MAP4K3: variants seen among roughly 807,000 people sequenced by gnomAD.
MAP4K3 encodes the protein mitogen-activated protein kinase kinase kinase kinase 3, also known as MAPK/ERK kinase kinase kinase 3.
A neutral mutation model predicts 143.5 loss-of-function variants in MAP4K3; 94 were observed. The ratio of observed to expected loss-of-function variants is 0.65; its 90% CI spans 0.55 to 0.78. The LOEUF (loss-of-function observed/expected upper bound fraction) is 0.78, where lower values mean the gene tolerates loss of function less well. Ranked by LOEUF, MAP4K3 falls within the 30% of genes least tolerant of loss-of-function variation. MAP4K3 has a pLI of 0.00. For synonymous variants in MAP4K3, 416 were observed against 347.2 expected (o/e 1.20, Z -2.20); for missense variants, 1,077 against 1,068.1 (o/e 1.01, Z -0.12).
intron 4 of MAP4K3, among the ~76,000 whole-genome samples, chr2:39,339,387 A>AT (rs1046679294): frequency 7.9e-5 from 12 of 151,654 alleles, no homozygotes; most frequent in African/African-American, 1.7e-4. Context: ...GTGAAAGACA[A>AT]TTTTTTTTTC....
intron 13 of MAP4K3, among the ~76,000 whole-genome samples, chr2:39,315,022 T>G (rs1354961671): frequency 6.6e-6 from 1 of 152,160 alleles, no homozygotes; most frequent in Non-Finnish European, 1.5e-5. Context: ...TCTAGGTGAG[T>G]TACATGCACA....
chr2:39,331,624 T>C (rs1041299826), intron 8 of MAP4K3, among the ~76,000 whole-genome samples: 6 of 152,066 alleles, frequency 3.9e-5, no homozygotes, highest in African/African-American at 1.4e-4. Flanking sequence ...TGAAAATACA[T>C]GAGAAATGTA....
chr2:39,312,670 A>T (rs1285139297), intron 13 of MAP4K3, among the ~76,000 whole-genome samples: 1 of 152,236 alleles, frequency 6.6e-6, no homozygotes, highest in Non-Finnish European at 1.5e-5. Context: ...AATGGCCCTT[A>T]GATCTGATAA....
chr2:39,297,111 T>G (rs1682313058), intron 16 of MAP4K3, among the ~76,000 whole-genome samples: 1 of 152,070 alleles, frequency 6.6e-6, no homozygotes, highest in Admixed American at 6.6e-5. Context: ...AATAATTTAA[T>G]GTTTTCTTTT....
At chr2:39,369,193 G>GTTTTTTTGTTTGTTTTTTTTTTTT (rs747293878) in intron 2 of MAP4K3, among the ~76,000 whole-genome samples, 3 of 37,950 alleles carry the variant, frequency 7.9e-5, no homozygotes, top group African/African-American at 1.2e-4. Context: ...CTTTGGGCTA[G>GTTTTTTTGTTTGTTTTTTTTTTTT]TTTTTTTTTT....
intron 1 of MAP4K3, among the ~76,000 whole-genome samples, chr2:39,395,226 T>C (rs567670113): frequency 1.4e-4 from 21 of 152,320 alleles, no homozygotes; most frequent in Non-Finnish European, 2.2e-4. Flanking sequence ...CTCTGTTGTA[T>C]AAAAATTACC....
At chr2:39,311,490 A>G (rs536444342) in intron 13 of MAP4K3, among the ~76,000 whole-genome samples, 1 of 152,308 alleles carries the variant, frequency 6.6e-6, no homozygotes, top group African/African-American at 2.4e-5. Flanking sequence ...GGTATTCAAA[A>G]TGCTTCCACA....
chr2:39,355,455 T>C (rs1030927002), intron 3 of MAP4K3, among the ~76,000 whole-genome samples: 8 of 147,976 alleles, frequency 5.4e-5, no homozygotes, highest in African/African-American at 2.0e-4. Context: ...CACCTGAGCC[T>C]AGGGAGGTCA....
At chr2:39,278,259 T>A (rs923447267) in intron 24 of MAP4K3, 148 bp downstream of exon 24, 1 of 511,428 alleles carries the variant, frequency 2.0e-6, no homozygotes, top group Non-Finnish European at 3.5e-6. Context: ...GCAACAAGAG[T>A]GAGACTTGGT....
chr2:39,403,076 A>G (rs963363328), intron 1 of MAP4K3, among the ~76,000 whole-genome samples: 3 of 152,230 alleles, frequency 2.0e-5, no homozygotes, highest in Non-Finnish European at 2.9e-5. Context: ...TAAAGCCTCC[A>G]AACCCAGATG....
At chr2:39,299,278 G>A (rs55849862) in intron 16 of MAP4K3, among the ~76,000 whole-genome samples, 30 of 152,214 alleles carry the variant, frequency 2.0e-4, no homozygotes, top group Non-Finnish European at 4.1e-4. Flanking sequence ...GCATAGATTG[G>A]TAACTTTTAA....
chr2:39,386,431 T>A (rs1666507233), intron 1 of MAP4K3, among the ~76,000 whole-genome samples: 2 of 152,262 alleles, frequency 1.3e-5, no homozygotes, highest in Admixed American at 6.5e-5. Context: ...TTATCAATAG[T>A]TTCTTTTATG....
intron 1 of MAP4K3, among the ~76,000 whole-genome samples, chr2:39,386,127 C>T (rs1243673986): frequency 6.6e-6 from 1 of 152,030 alleles, no homozygotes; most frequent in African/African-American, 2.4e-5. Context: ...ATGGGTTGGC[C>T]CTAATCCAAC....
intron 2 of MAP4K3, among the ~76,000 whole-genome samples, chr2:39,356,805 A>G (rs1665623876): frequency 1.3e-5 from 2 of 152,252 alleles, no homozygotes; most frequent in Admixed American, 6.5e-5. Flanking sequence ...TCATCGGTAT[A>G]ATCCATCAAT....
intron 1 of MAP4K3, among the ~76,000 whole-genome samples, chr2:39,435,768 A>G (rs1249420742): frequency 6.6e-6 from 1 of 152,248 alleles, no homozygotes; most frequent in African/African-American, 2.4e-5. Context: ...AGGTGGGCTC[A>G]ATATATCTAT....
chr2:39,298,684 C>A (rs1046401377), intron 16 of MAP4K3, among the ~76,000 whole-genome samples: 2 of 152,028 alleles, frequency 1.3e-5, no homozygotes, highest in Non-Finnish European at 1.5e-5. Context: ...TGAAATTTTG[C>A]GAGGCACGGT....
At position 39,386,820 on chromosome 2, in the gene MAP4K3, CT is replaced by C. The variant is rs56011585; in HGVS notation, c.97-8698del. On this transcript the variant is annotated intron_variant, in intron 1 of 33. Transcript: ENST00000263881. ...GATTAGTGTAATTTTTTTTGTTGTTCTTTTTTTTTTTTTGAGACGGAGTCTC... is the reference window on the plus strand; with the variant it reads ...GATTAGTGTAATTTTTTTTGTTGTTCTTTTTTTTTTTTGAGACGGAGTCTC... Among the ~76,000 whole-genome samples, 89 of 139,116 alleles carry C rather than the reference CT, an allele frequency of 6.4e-4. 2 individuals are homozygous for C. In the South Asian group the frequency reaches 0.016, roughly 24 times the overall value. 91.3% of individuals were successfully genotyped at this position (139,116 alleles called of 152,430 possible). A position where few individuals can be genotyped will look rare whatever the true frequency, so the allele number is the denominator to read the frequency against.
At chr2:39,303,149 G>A (rs1682571519) in intron 15 of MAP4K3, 1 of 166,984 alleles carries the variant, frequency 6.0e-6, no homozygotes, top group African/African-American at 2.4e-5. Flanking sequence ...AAATACTTGA[G>A]CAATATATCT....
intron 22 of MAP4K3, among the ~76,000 whole-genome samples, chr2:39,280,848 A>G (rs2148465535): frequency 6.6e-6 from 1 of 152,296 alleles, no homozygotes; most frequent in South Asian, 2.1e-4. Flanking sequence ...TTCAACCTCC[A>G]AACACAGACT....
Sources: gnomAD v4.1 joint callset for allele counts (sites outside exome capture counted in the v4.1 genomes callset) on GRCh38, gnomAD v4.1.1 for gene constraint, MANE v1.5 for transcripts, NCBI Gene and HGNC (gene_info 2026-07-23, HGNC 2026-07-21) for gene names.